Variants in GSG1 observed in about 807,000 individuals in gnomAD.
GSG1 encodes the protein germ cell-specific gene 1 protein.
In GSG1, 28 loss-of-function variants were observed where a neutral mutation model predicts 30.8. The ratio of observed to expected loss-of-function variants is 0.91; its 90% CI spans 0.67 to 1.25. The LOEUF is 1.25. Ranked by LOEUF, GSG1 falls within the 50% of genes most tolerant of loss-of-function variation. The pLI is 0.00. For missense variants in GSG1, 435 were observed against 444.7 expected, an observed-to-expected ratio of 0.98 and a Z score of 0.20; for synonymous variants, 162 against 178.0, an observed-to-expected ratio of 0.91 and a Z score of 0.71.
rs952880644 is a variant in GSG1 at position 13,089,328 on chromosome 12, C to G, written c.365-52G>C. The G allele has an allele frequency of 3.6e-5, 56 of 1,549,172 alleles. No homozygotes were observed. In the East Asian group the frequency reaches 1.4e-3, roughly 38 times the overall value. Reference sequence around the variant, plus strand: ...TGTAAATACACACATTTTTTTAATTCCTCTTCCATCTCGCTTTTAGCTGAA... The same window carrying G: ...TGTAAATACACACATTTTTTTAATTGCTCTTCCATCTCGCTTTTAGCTGAA... On this transcript the variant is annotated intron_variant, in intron 2 of 6. Coordinates refer to ENST00000651961, the MANE Select transcript of GSG1 (RefSeq NM_001080555.4).
In GSG1 at chr12:13,097,736, A is replaced by G. The variant is rs113339793; in HGVS notation, c.48+5729T>C. Among the ~76,000 whole-genome samples the G allele has an allele frequency of 6.3e-3, 952 of 152,308 alleles. 15 individuals carry two copies. The highest frequency in any genetic ancestry group is 0.022 in the African/African-American group (911 of 41,568). Reference sequence around the variant, plus strand: ...TTGGTAATTTTAGAAAGTTCTTAATATATACCCAGGGAATTCATGTAAAAT... The same window carrying G: ...TTGGTAATTTTAGAAAGTTCTTAATGTATACCCAGGGAATTCATGTAAAAT... On this transcript the variant is annotated intron_variant, in intron 1 of 6. Transcript: ENST00000651961.
intron 1 of GSG1, among the ~76,000 whole-genome samples, chr12:13,098,311 T>C (rs1452107398): frequency 2.6e-5 from 4 of 151,758 alleles, no homozygotes; most frequent in Non-Finnish European, 5.9e-5. Flanking sequence ...ATCCTTTTAT[T>C]TATTTATTTT....
intron 1 of GSG1, among the ~76,000 whole-genome samples, chr12:13,092,984 C>T (rs1272854468): frequency 2.0e-5 from 3 of 151,098 alleles, no homozygotes; most frequent in East Asian, 3.9e-4. Context: ...TTAGTAGAGA[C>T]GGGGTTTCAC....
intron 1 of GSG1, chr12:13,095,617 C>G: frequency 1.2e-6 from 2 of 1,614,218 alleles, no homozygotes; most frequent in Non-Finnish European, 1.7e-6. Context: ...TGGTCAGCGT[C>G]TTGCAGCTTG....
intron 1 of GSG1, among the ~76,000 whole-genome samples, chr12:13,097,699 G>A (rs952797740): frequency 6.6e-6 from 1 of 152,204 alleles, no homozygotes; most frequent in Non-Finnish European, 1.5e-5. Flanking sequence ...AGTTCTGGGT[G>A]AGGCCCAGGA....
Position 13,085,142 on chromosome 12 carries a change from C to T in GSG1, c.848G>A (p.Ser283Asn). 2 of 1,614,138 alleles carry T rather than the reference C, an allele frequency of 1.2e-6. No individual in the cohort carries two copies. The highest frequency in any genetic ancestry group is 1.7e-6 in the Non-Finnish European group (2 of 1,180,014). The change falls in exon 7 of 7, where the codon AGC (serine) becomes AAC (asparagine). Residue 283 changes from serine to asparagine, a missense_variant. Transcript: ENST00000651961. ...TAGGCAGTTCGGGTTTTCCTTGAAG[C>T]TCTTACTATGCTTGCACTTGAACTC... Reference protein sequence around the residue: ...VLEFKCKHSKSFKENPNCLPH... With the variant: ...VLEFKCKHSKNFKENPNCLPH...
At chr12:13,096,424 A>C (rs926579904) in intron 1 of GSG1, among the ~76,000 whole-genome samples, 3 of 149,202 alleles carry the variant, frequency 2.0e-5, no homozygotes, top group Non-Finnish European at 4.4e-5. Context: ...CAGTGAGCCG[A>C]GACTGCGCCA....
chr12:13,100,203 A>G (rs1032284768), intron 1 of GSG1, among the ~76,000 whole-genome samples: 1 of 152,266 alleles, frequency 6.6e-6, no homozygotes, highest in Non-Finnish European at 1.5e-5. Context: ...GGATACAATT[A>G]GAAATCCTGA....
chr12:13,090,010 T>C (rs1865926421), intron 2 of GSG1, among the ~76,000 whole-genome samples: 1 of 152,062 alleles, frequency 6.6e-6, no homozygotes, highest in Non-Finnish European at 1.5e-5. Flanking sequence ...GATCACACCA[T>C]TGCACTCCAG....
intron 2 of GSG1, 79 bp from the exon 3 acceptor site, chr12:13,089,355 T>C (rs546700279): frequency 8.4e-6 from 13 of 1,543,296 alleles, no homozygotes; most frequent in African/African-American, 5.5e-5. Flanking sequence ...TTAGCTGAAA[T>C]AGGGAGAAGT....
chr12:13,092,123 AT>A (rs1772233138), intron 1 of GSG1, among the ~76,000 whole-genome samples: 1 of 152,242 alleles, frequency 6.6e-6, no homozygotes, highest in Non-Finnish European at 1.5e-5. Flanking sequence ...ACAAATTAGA[AT>A]GAGGAATGCA....
In GSG1 at chr12:13,085,014, C is replaced by CA. The variant is rs1164865781; in HGVS notation, c.975dup (p.Val326CysfsTer3). 1.9e-6 allele frequency: 3 copies of CA among 1,563,896 alleles called. No homozygotes were observed. The highest frequency in any genetic ancestry group is 1.7e-6 in the Non-Finnish European group (2 of 1,153,356). On this transcript the variant is annotated frameshift_variant, in exon 7 of 7. Transcript: ENST00000651961. LOFTEE classifies it low-confidence loss of function (END_TRUNC). Reference sequence around the variant, plus strand: ...GAGTAGAAGTCGACTCCCTCAGAGACAGAGTGGATGGGCTGATTATGATAC... The same window carrying CA: ...GAGTAGAAGTCGACTCCCTCAGAGACAAGAGTGGATGGGCTGATTATGATAC...
chr12:13,095,878 A>AG (rs1420021149), intron 1 of GSG1: 2 of 1,136,618 alleles, frequency 1.8e-6, no homozygotes, highest in Non-Finnish European at 2.4e-6. Flanking sequence ...TCTGGGATTA[A>AG]GCACAAAGAA....
chr12:13,098,254 C>G (rs558131846), intron 1 of GSG1, among the ~76,000 whole-genome samples: 40 of 151,916 alleles, frequency 2.6e-4, no homozygotes, highest in African/African-American at 9.4e-4. Context: ...GTGCTTCCCC[C>G]ACCAGTCGGC....
At position 13,090,758 on chromosome 12, in the gene GSG1, G is replaced by C; in HGVS notation, c.109C>G (p.Leu37Val). Reference protein sequence around the residue: ...RTLLSAILSMLSLSFSTTSLL... With the variant: ...RTLLSAILSMVSLSFSTTSLL... ...GATGTTGTGGAGAAGCTGAGTGATA[G>C]CATGCTGAGGATGGCAGATAGGAGT... Residue 37 changes from leucine (L) to valine (V), a missense_variant, in exon 2 of 7, where the codon CTA becomes GTA. Leu to Val is a conservative substitution (Grantham distance 32). Coordinates refer to ENST00000651961, the MANE Select transcript of GSG1 (RefSeq NM_001080555.4). The C allele has an allele frequency of 5.0e-6, 8 of 1,614,230 alleles. No individual in the cohort carries two copies. Among genetic ancestry groups the C allele is most frequent in the Non-Finnish European group, 6.8e-6 (8 of 1,180,032 alleles).
chr12:13,085,587 T>A (rs1865444821), intron 6 of GSG1, among the ~76,000 whole-genome samples: 1 of 151,732 alleles, frequency 6.6e-6, no homozygotes, highest in Non-Finnish European at 1.5e-5. Flanking sequence ...CCTTGTAAAA[T>A]CTCCAAGATT....
chr12:13,100,292 G>T (rs910613356), intron 1 of GSG1, among the ~76,000 whole-genome samples: 9 of 152,224 alleles, frequency 5.9e-5, no homozygotes, highest in African/African-American at 2.2e-4. Flanking sequence ...ATTCACGTAT[G>T]TAAGAGCAGC....
intron 1 of GSG1, among the ~76,000 whole-genome samples, chr12:13,099,757 T>TTTTTG (rs567254982): frequency 2.1e-3 from 287 of 133,864 alleles, no homozygotes; most frequent in Non-Finnish European, 3.0e-3. Flanking sequence ...TTTGTTTTTT[T>TTTTTG]TTTTTTTTTT....
Position 13,087,936 on chromosome 12 carries a change from G to A in GSG1, c.605C>T (p.Ala202Val), listed in dbSNP as rs1247715514. The change falls in exon 5 of 7, where the codon GCC (alanine) becomes GTC (valine). Residue 202 changes from alanine (A) to valine (V), a missense_variant. Ala to Val is a moderately conservative substitution (Grantham distance 64, BLOSUM62 0). Coordinates refer to ENST00000651961, the MANE Select transcript of GSG1 (RefSeq NM_001080555.4). ...GNPACGLKLS[A>V]FAAVSSVLSG... ...CAGGACAGAGGAAACAGCAGCAAAG[G>A]CGCTCAGTTTGAGCCCACAGGCAGG... 2 of 1,614,022 alleles carry A rather than the reference G, an allele frequency of 1.2e-6. No homozygotes were observed. The highest frequency in any genetic ancestry group is 1.3e-5 in the African/African-American group (1 of 74,912).
Sources: gnomAD v4.1 joint callset for allele counts (sites outside exome capture counted in the v4.1 genomes callset) on GRCh38, gnomAD v4.1.1 for gene constraint, MANE v1.5 for transcripts, NCBI Gene and HGNC (gene_info 2026-07-23, HGNC 2026-07-21) for gene names.